ROPN1L: variants seen among roughly 807,000 people sequenced by gnomAD.
ROPN1L encodes ropporin-1-like protein.
ROPN1L carries 23 observed loss-of-function variants against 22.7 expected under a neutral mutation model. That is an observed-to-expected ratio of 1.01 (90% CI 0.73 to 1.43). ROPN1L has a LOEUF of 1.43. ROPN1L is among the 40% of genes most tolerant of loss of function. The pLI is 0.00. For missense variants in ROPN1L, 271 were observed against 291.5 expected (o/e 0.93, Z 0.51); for synonymous variants, 116 against 117.8 (o/e 0.98, Z 0.10).
At chr5:10,455,214 C>T (rs1402474309) in intron 3 of ROPN1L, among the ~76,000 whole-genome samples, 9 of 152,188 alleles carry the variant, frequency 5.9e-5, no homozygotes, top group South Asian at 4.1e-4. Context: ...CAGCCACCTG[C>T]GCTGCGGCAG....
chr5:10,449,937 G>A lies in ROPN1L; in HGVS notation c.256-15G>A. The A allele has an allele frequency of 1.3e-6, 2 of 1,599,854 alleles. No homozygotes were observed. The highest frequency in any genetic ancestry group is 1.3e-5 in the African/African-American group (1 of 74,120). Reference sequence around the variant, plus strand: ...TAAAACATACATAAATTGTCATGCTGTGTTTTCCAAACAGTGTCACCACAA... The same window carrying A: ...TAAAACATACATAAATTGTCATGCTATGTTTTCCAAACAGTGTCACCACAA... On this transcript the variant is annotated splice_polypyrimidine_tract_variant and intron_variant, in intron 2 of 4. Coordinates refer to ENST00000274134, the MANE Select transcript of ROPN1L (RefSeq NM_031916.5).
At chr5:10,459,372 T>TCCACCCTCCTCACCGGGTTCCC (rs1561175203) in intron 3 of ROPN1L, among the ~76,000 whole-genome samples, 9 of 147,074 alleles carry the variant, frequency 6.1e-5, no homozygotes, top group African/African-American at 2.4e-4. Context: ...ACTGGGTTCT[T>TCCACCCTCCTCACCGGGTTCCC]GCCTTCCACC....
intron 4 of ROPN1L, among the ~76,000 whole-genome samples, chr5:10,462,039 T>C (rs892485626): frequency 6.6e-6 from 1 of 152,204 alleles, no homozygotes; most frequent in Non-Finnish European, 1.5e-5. Context: ...GGAAGCTTTG[T>C]GATTGATTAA....
intron 2 of ROPN1L, among the ~76,000 whole-genome samples, chr5:10,448,606 T>C (rs1741155309): frequency 6.6e-6 from 1 of 152,240 alleles, no homozygotes; most frequent in South Asian, 2.1e-4. Context: ...CCCAAGTCAC[T>C]ATCCAGGGGT....
downstream of ROPN1L, among the ~76,000 whole-genome samples, chr5:10,473,251 T>C (rs1735275864): frequency 6.6e-6 from 1 of 152,084 alleles, no homozygotes; most frequent in Non-Finnish European, 1.5e-5. Context: ...AAAAGGGTCT[T>C]TGTAGATGTC....
rs191433036 is a variant in ROPN1L, at chr5:10,443,930, C to T, written c.131+1632C>T. On this transcript the variant is annotated intron_variant, in intron 1 of 4. Transcript: ENST00000274134. Reference sequence around the variant, plus strand: ...TCCAGATAGTCCAGGGCAGTTTTCCCACCCGAGATCCTTATCAGTCCACAA... The same window carrying T: ...TCCAGATAGTCCAGGGCAGTTTTCCTACCCGAGATCCTTATCAGTCCACAA... Among the ~76,000 whole-genome samples the T allele has an allele frequency of 7.9e-4, 121 of 152,256 alleles. 1 individual carries two copies. Among genetic ancestry groups the T allele is most frequent in the Admixed American group, 7.5e-3 (114 of 15,296 alleles).
chr5:10,464,262 C>T (rs1735107771), intron 4 of ROPN1L, among the ~76,000 whole-genome samples: 1 of 152,190 alleles, frequency 6.6e-6, no homozygotes, highest in South Asian at 2.1e-4. Context: ...GACCGCAGCT[C>T]CCAAGCCATC....
At chr5:10,464,099 C>T (rs1444734083) in intron 4 of ROPN1L, among the ~76,000 whole-genome samples, 6 of 152,214 alleles carry the variant, frequency 3.9e-5, no homozygotes, top group Non-Finnish European at 7.3e-5. Flanking sequence ...CAGCCGTCCT[C>T]GTCTCCTTGT....
chr5:10,442,730 T>C (rs1404489640), intron 1 of ROPN1L, among the ~76,000 whole-genome samples: 2 of 152,260 alleles, frequency 1.3e-5, no homozygotes, highest in Non-Finnish European at 2.9e-5. Context: ...CAGAGCTATG[T>C]ATACCCAGAG....
At chr5:10,481,743 G>GA in the ROPN1L span, 1 of 152,234 alleles carries the variant, frequency 6.6e-6, no homozygotes, top group Admixed American at 6.5e-5. Context: ...ATCAGCGAGG[G>GA]AAAACCCTGA....
intron 2 of ROPN1L, among the ~76,000 whole-genome samples, 178 bp from the exon 3 acceptor site, chr5:10,449,774 G>A (rs746155688): frequency 1.4e-4 from 21 of 152,142 alleles, no homozygotes; most frequent in African/African-American, 2.4e-4. Flanking sequence ...AAAGGTTGCC[G>A]CTCGCTGCCT....
the ROPN1L span, among the ~76,000 whole-genome samples, chr5:10,480,530 G>A: frequency 1.3e-5 from 2 of 152,146 alleles, no homozygotes; most frequent in South Asian, 2.1e-4. Flanking sequence ...GGGGTGGGTC[G>A]GTGAGGCGGG....
rs887260835 is a variant in ROPN1L, at chr5:10,450,039, T to C, written c.343T>C (p.Leu115=). The C allele has an allele frequency of 1.9e-6, 3 of 1,613,994 alleles. No homozygotes were observed. Among genetic ancestry groups the C allele is most frequent in the Non-Finnish European group, 2.5e-6 (3 of 1,179,952 alleles). The part of the protein sequence containing the change: ...CLPKEKFKAL[L]QLDPCENKIK... ...GCCGAAGGAAAAATTCAAAGCGCTC[T>C]TACAACTGGATCCTTGTGAAAACAA... Residue 115 remains leucine, a synonymous_variant, in exon 3 of 5, where the codon TTA becomes CTA. Transcript: ENST00000274134.
chr5:10,464,455 T>C (rs960622518), intron 4 of ROPN1L, among the ~76,000 whole-genome samples: 2 of 152,232 alleles, frequency 1.3e-5, no homozygotes, highest in African/African-American at 4.8e-5. Flanking sequence ...TTTTGTGCTC[T>C]CTGATGCGGC....
At chr5:10,469,520 G>A (rs1408169229), downstream of ROPN1L, among the ~76,000 whole-genome samples, 2 of 152,078 alleles carry the variant, frequency 1.3e-5, no homozygotes, top group Non-Finnish European at 2.9e-5. Flanking sequence ...GCATTCATAC[G>A]GTGTGACTTT....
chr5:10,456,124 G>C (rs568580222), intron 3 of ROPN1L, among the ~76,000 whole-genome samples: 1 of 152,202 alleles, frequency 6.6e-6, no homozygotes, highest in Non-Finnish European at 1.5e-5. Context: ...GGGTGCCCTC[G>C]TGCCTGTGCT....
chr5:10,477,162 C>G, the ROPN1L span, among the ~76,000 whole-genome samples: 6 of 152,256 alleles, frequency 3.9e-5, no homozygotes, highest in Admixed American at 6.5e-5. Flanking sequence ...TCTTTTTGAA[C>G]TTTTTCAACT....
chr5:10,444,635 C>G (rs941114974), intron 1 of ROPN1L, among the ~76,000 whole-genome samples: 2 of 151,726 alleles, frequency 1.3e-5, no homozygotes, highest in Non-Finnish European at 2.9e-5. Context: ...CATGGTGGCT[C>G]ACACCTGTAA....
chr5:10,446,567 C>T (rs901263910), intron 1 of ROPN1L, among the ~76,000 whole-genome samples: 14 of 150,894 alleles, frequency 9.3e-5, no homozygotes, highest in African/African-American at 1.9e-4. Context: ...AGGCTGAGGC[C>T]GGAGAATAGC....
Sources: gnomAD v4.1 joint callset for allele counts (sites outside exome capture counted in the v4.1 genomes callset) on GRCh38, gnomAD v4.1.1 for gene constraint, MANE v1.5 for transcripts, NCBI Gene and HGNC (gene_info 2026-07-23, HGNC 2026-07-21) for gene names.